CMPK1: variants seen among roughly 807,000 people sequenced by gnomAD.
CMPK1 encodes the protein UMP-CMP kinase.
A neutral mutation model predicts 25.7 loss-of-function variants in CMPK1; 10 were observed. The observed-to-expected ratio is 0.39, with a 90% CI of 0.24 to 0.66. The LOEUF (loss-of-function observed/expected upper bound fraction) is 0.66. CMPK1 is among the 30% of genes least tolerant of loss of function. The probability of loss-of-function intolerance (pLI) is 0.48; values close to 1 mark genes in which losing one functional copy is unlikely to be tolerated. For missense variants in CMPK1, 199 were observed against 280.5 expected, an observed-to-expected ratio of 0.71 and a Z score of 2.08; for synonymous variants, 106 against 101.5, an observed-to-expected ratio of 1.04 and a Z score of -0.27.
intron 2 of CMPK1, 141 bp from the exon 3 acceptor site, chr1:47,372,813 CT>C (rs58538890): frequency 0.78 from 246,514 of 316,692 alleles, 89,420 homozygotes; most frequent in Admixed American, 0.87. Context: ...TTTTTCTTTT[CT>C]TTTTTTTTTT....
chr1:47,357,446 C>T (rs1180635884), intron 1 of CMPK1, among the ~76,000 whole-genome samples: 1 of 151,482 alleles, frequency 6.6e-6, no homozygotes, highest in Non-Finnish European at 1.5e-5. Context: ...ACAAGGAAAC[C>T]ACTCTGTGAT....
intron 2 of CMPK1, among the ~76,000 whole-genome samples, chr1:47,369,706 C>G (rs1013463914): frequency 2.7e-4 from 41 of 151,276 alleles, no homozygotes; most frequent in African/African-American, 9.7e-4. Context: ...GGACTACAGG[C>G]GTGCACCACC....
intron 1 of CMPK1, among the ~76,000 whole-genome samples, chr1:47,334,955 G>C (rs150822427): frequency 1.3e-5 from 2 of 152,230 alleles, no homozygotes; most frequent in East Asian, 3.9e-4. Flanking sequence ...TTTGAGACAG[G>C]TTACCAGTTC....
intron 1 of CMPK1, among the ~76,000 whole-genome samples, chr1:47,350,677 G>A (rs895913233): frequency 7.9e-5 from 12 of 152,102 alleles, no homozygotes; most frequent in African/African-American, 2.4e-4. Context: ...GGCGAATCAC[G>A]AGGTCAGGAG....
At chr1:47,335,890 A>G (rs983788064) in intron 1 of CMPK1, among the ~76,000 whole-genome samples, 1 of 151,614 alleles carries the variant, frequency 6.6e-6, no homozygotes, top group Non-Finnish European at 1.5e-5. Flanking sequence ...CAGCCTCTGC[A>G]TAGCTGGGAT....
At position 47,351,332 on chromosome 1, in the gene CMPK1, A is replaced by T. The variant is rs556804381; in HGVS notation, c.172-17137A>T. 2.0e-5 allele frequency among the ~76,000 whole-genome samples: 3 copies of T among 152,186 alleles called. No individual in the cohort carries two copies. In the East Asian group the frequency reaches 5.8e-4, roughly 29 times the overall value. On this transcript the variant is annotated intron_variant, in intron 1 of 5. Coordinates refer to ENST00000371873, the MANE Select transcript of CMPK1 (RefSeq NM_016308.3). ...CTGACCTTGTGATCCACCTGCCTCGAGCTCCCAAAGTGCTGGGATTACAGG... is the reference window on the plus strand; with the variant it reads ...CTGACCTTGTGATCCACCTGCCTCGTGCTCCCAAAGTGCTGGGATTACAGG...
chr1:47,334,202 G>T, intron 1 of CMPK1, 86 bp downstream of exon 1: 1 of 1,183,146 alleles, frequency 8.5e-7, no homozygotes. Flanking sequence ...GCGCCCCGCG[G>T]AGTCGCCGAG....
chr1:47,365,102 C>T (rs1646630068), intron 1 of CMPK1, among the ~76,000 whole-genome samples: 1 of 152,080 alleles, frequency 6.6e-6, no homozygotes, highest in African/African-American at 2.4e-5. Context: ...TTTAAAAATA[C>T]ATTTGTATTT....
intron 2 of CMPK1, among the ~76,000 whole-genome samples, chr1:47,372,409 T>G (rs546848195): frequency 2.6e-5 from 4 of 152,220 alleles, no homozygotes; most frequent in Non-Finnish European, 5.9e-5. Context: ...ATGCTAATGG[T>G]CTTTTATATT....
chr1:47,337,882 A>G (rs942062403), intron 1 of CMPK1, among the ~76,000 whole-genome samples: 4 of 152,156 alleles, frequency 2.6e-5, no homozygotes, highest in African/African-American at 9.7e-5. Flanking sequence ...AAGTGCTGGG[A>G]TTACAGGTGT....
rs747961156 is a variant in CMPK1, at chr1:47,334,021, C to G, written c.76C>G (p.Leu26Val). 5.2e-6 allele frequency: 8 copies of G among 1,551,958 alleles called. No individual in the cohort carries two copies. The South Asian group carries it at 8.3e-5, about 16-fold the overall frequency. Residue 26 changes from leucine to valine, a missense_variant, in exon 1 of 6, where the codon CTC becomes GTC. Leu to Val is a conservative substitution (Grantham distance 32). This residue lies in a region of CMPK1 where 59 missense variants were observed against 45.1 expected (regional missense o/e 1.31). Coordinates refer to ENST00000371873, the MANE Select transcript of CMPK1 (RefSeq NM_016308.3). ...SFLLQTRRPI[L>V]LCSPRLMKPL... ...CCTGCTGCAGACCCGCCGGCCGATT[C>G]TCCTCTGCTCTCCACGTCTCATGAA...
Position 47,375,210 on chromosome 1 carries a change from C to T in CMPK1, c.562C>T (p.Leu188Phe), listed in dbSNP as rs772791328. ...ESLEKRIQTY[L>F]QSTKPIIDLY... is the part of the protein sequence containing the mutation. ...CTTCTTTTGCAGAATTCAGACCTAC[C>T]TTCAGTCAACAAAGCCAATTATTGA... The change falls in exon 5 of 6, where the codon CTT becomes TTT. Residue 188 changes from leucine to phenylalanine, a missense_variant. By Grantham distance (22) the Leu-to-Phe change is conservative. Coordinates refer to ENST00000371873, the MANE Select transcript of CMPK1 (RefSeq NM_016308.3). 8 of 1,609,414 alleles carry T rather than the reference C, an allele frequency of 5.0e-6. No individual in the cohort carries two copies. Among genetic ancestry groups the T allele is most frequent in the Non-Finnish European group, 6.8e-6 (8 of 1,178,054 alleles).
chr1:47,344,282 T>G (rs1646466380), intron 1 of CMPK1, among the ~76,000 whole-genome samples: 1 of 152,028 alleles, frequency 6.6e-6, no homozygotes, highest in African/African-American at 2.4e-5. Context: ...GTGTATGAGC[T>G]CAATTTTGAA....
chr1:47,336,549 GTCTC>G (rs1470726990), intron 1 of CMPK1, among the ~76,000 whole-genome samples: 1 of 151,972 alleles, frequency 6.6e-6, no homozygotes, highest in Non-Finnish European at 1.5e-5. Context: ...TTGAGATCGA[GTCTC>G]TCTGTGTCAC....
chr1:47,373,976 T>C (rs1282501270), intron 3 of CMPK1, among the ~76,000 whole-genome samples: 1 of 152,228 alleles, frequency 6.6e-6, no homozygotes, highest in African/African-American at 2.4e-5. Flanking sequence ...CTGAAGTAGT[T>C]AGTACCTTGA....
In CMPK1 at chr1:47,376,683, TATC is replaced by T. The variant is rs771831606; in HGVS notation, c.646-17_646-15del. ...TAACAGTACCTGCTTTTAAAATTAT[TATC>T]ATCTTTTTCCTTTACAGGTTTTTGA... On this transcript the variant is annotated intron_variant, in intron 5 of 5. Coordinates refer to ENST00000371873, the MANE Select transcript of CMPK1 (RefSeq NM_016308.3). 3.3e-6 allele frequency: 5 copies of T among 1,514,736 alleles called. 1 individual carries two copies. The African/African-American group carries it at 6.9e-5, about 21-fold the overall frequency. The allele number at this position is 1,514,736 out of a possible 1,614,324, so 93.8% of individuals were successfully genotyped here. A position where few individuals can be genotyped will look rare whatever the true frequency, so the allele number is the denominator to read the frequency against.
intron 1 of CMPK1, among the ~76,000 whole-genome samples, chr1:47,352,956 A>C (rs75223346): frequency 1.3e-5 from 2 of 152,214 alleles, no homozygotes; most frequent in African/African-American, 4.8e-5. Flanking sequence ...TTTAAAAAAA[A>C]TTACTACTTT....
intron 1 of CMPK1, among the ~76,000 whole-genome samples, chr1:47,339,710 T>TCC (rs1646425582): frequency 1.3e-5 from 1 of 76,392 alleles, no homozygotes; most frequent in Non-Finnish European, 3.3e-5. Flanking sequence ...CCTTTTTTTT[T>TCC]TTTTTTTTTT....
chr1:47,371,378 C>A lies in CMPK1; in HGVS notation c.319-1577C>A, dbSNP rs144564177. On this transcript the variant is annotated intron_variant, in intron 2 of 5. Transcript: ENST00000371873. ...TTTTCACTCTCTACTTTTCCACTCT[C>A]TACTTTTCAACCCTTTGCAGTCAGA... Among the ~76,000 whole-genome samples the A allele has an allele frequency of 1.5e-3, 227 of 152,334 alleles. 1 individual carries two copies. The highest frequency in any genetic ancestry group is 5.3e-3 in the African/African-American group (222 of 41,570).
Sources: gnomAD v4.1 joint callset for allele counts (sites outside exome capture counted in the v4.1 genomes callset) on GRCh38, gnomAD v4.1.1 for gene constraint, gnomAD v4.1.1 regional missense constraint, MANE v1.5 for transcripts, NCBI Gene and HGNC (gene_info 2026-07-23, HGNC 2026-07-21) for gene names.